ROBO2: variants seen among roughly 807,000 people sequenced by gnomAD.
The protein encoded by ROBO2 is roundabout guidance receptor 2.
ROBO2 carries 53 observed loss-of-function variants against 160.8 expected under a neutral mutation model. That is an observed-to-expected ratio of 0.33 (90% CI 0.26 to 0.41). The LOEUF is 0.41. Among genes scored for constraint, ROBO2 ranks in the 10% least tolerant of loss-of-function variants. ROBO2 has a pLI of 1.00. For synonymous variants in ROBO2, 664 were observed against 611.7 expected (o/e 1.09, Z -1.26); for missense variants, 1,577 against 1,722.4 (o/e 0.92, Z 1.49).
At chr3:76,866,861 ATCTCAACCACTACCTC>A (rs777880635) in intron 2 of ROBO2, among the ~76,000 whole-genome samples, 2 of 152,162 alleles carry the variant, frequency 1.3e-5, no homozygotes, top group Admixed American at 6.5e-5. Flanking sequence ...ACACCTGCAC[ATCTCAACCACTACCTC>A]CCAGTCCCCT....
chr3:77,638,144 C>T (rs566568900), intron 24 of ROBO2, among the ~76,000 whole-genome samples: 3 of 152,282 alleles, frequency 2.0e-5, no homozygotes, highest in African/African-American at 7.2e-5. Flanking sequence ...TGTTATTTTG[C>T]AGCAAATGCA....
At chr3:76,565,734 G>A (rs1312633909) in intron 2 of ROBO2, among the ~76,000 whole-genome samples, 1 of 152,144 alleles carries the variant, frequency 6.6e-6, no homozygotes, top group African/African-American at 2.4e-5. Context: ...ATGAAAGGAG[G>A]AAGTTGTTAC....
At chr3:76,274,907 A>G in intron 2 of ROBO2, among the ~76,000 whole-genome samples, 1 of 152,126 alleles carries the variant, frequency 6.6e-6, no homozygotes, top group South Asian at 2.1e-4. Flanking sequence ...AAGGTAATAT[A>G]CAGTCTAGTC....
In ROBO2 at chr3:76,946,957, A is replaced by G. The variant is rs898976841; in HGVS notation, c.110-151057A>G. 7.2e-5 allele frequency among the ~76,000 whole-genome samples: 11 copies of G among 152,236 alleles called. No individual in the cohort carries two copies. In the East Asian group the frequency reaches 1.9e-3, roughly 27 times the overall value. On this transcript the variant is annotated intron_variant, in intron 2 of 26. Coordinates refer to the ROBO2 transcript ENST00000487694. ...TTTGTCTTTCTTTCCGTAATGTCCA[A>G]TGTCTTGAAAATCATTCTTGTGTAT...
chr3:76,500,499 C>G (rs2080399771), intron 2 of ROBO2, among the ~76,000 whole-genome samples: 2 of 152,178 alleles, frequency 1.3e-5, no homozygotes, highest in South Asian at 4.1e-4. Flanking sequence ...TGCCTAACTA[C>G]CCTAGGACCA....
chr3:77,571,094 T>C (rs913078901), intron 13 of ROBO2, among the ~76,000 whole-genome samples: 1 of 152,038 alleles, frequency 6.6e-6, no homozygotes, highest in African/African-American at 2.4e-5. Context: ...CTTTGTTTTG[T>C]TCAAGGACAA....
intron 2 of ROBO2, among the ~76,000 whole-genome samples, chr3:77,162,383 A>G (rs2078574280): frequency 6.6e-6 from 1 of 152,230 alleles, no homozygotes; most frequent in East Asian, 1.9e-4. Context: ...GACCTTACAC[A>G]TTTAGATGTC....
intron 2 of ROBO2, among the ~76,000 whole-genome samples, chr3:76,966,711 C>G (rs1331577700): frequency 6.6e-6 from 1 of 152,192 alleles, no homozygotes; most frequent in African/African-American, 2.4e-5. Context: ...GCAATCATTG[C>G]TATTCTCACC....
At chr3:75,976,537 A>G (rs2065138114) in intron 2 of ROBO2, among the ~76,000 whole-genome samples, 1 of 151,552 alleles carries the variant, frequency 6.6e-6, no homozygotes, top group Non-Finnish European at 1.5e-5. Context: ...AACTTCAAAG[A>G]CATTAGCAAT....
At chr3:76,278,717 T>C (rs1212503662) in intron 2 of ROBO2, among the ~76,000 whole-genome samples, 1 of 151,950 alleles carries the variant, frequency 6.6e-6, no homozygotes, top group Non-Finnish European at 1.5e-5. Context: ...GAAACAGAAA[T>C]AGTTCTGTGT....
chr3:77,257,569 T>C (rs982524932), intron 2 of ROBO2, among the ~76,000 whole-genome samples: 2 of 152,190 alleles, frequency 1.3e-5, no homozygotes, highest in Admixed American at 6.5e-5. Context: ...AATAAAACCA[T>C]TAATTTTTAG....
intron 2 of ROBO2, among the ~76,000 whole-genome samples, chr3:76,877,998 G>A (rs565306834): frequency 2.0e-5 from 3 of 152,182 alleles, no homozygotes; most frequent in African/African-American, 4.8e-5. Flanking sequence ...TCAGATTAGG[G>A]CCTCACCCAT....
intron 2 of ROBO2, among the ~76,000 whole-genome samples, chr3:76,708,054 T>G (rs17014562): frequency 0.062 from 9,403 of 152,064 alleles, 858 homozygotes; most frequent in African/African-American, 0.2. Context: ...AGCCTACAAG[T>G]TTTCATTCCC....
chr3:77,043,880 G>T (rs888625283), intron 1 of ROBO2, among the ~76,000 whole-genome samples: 1 of 152,118 alleles, frequency 6.6e-6, no homozygotes. Flanking sequence ...ATGATATTAG[G>T]GGAGATAAAT....
intron 2 of ROBO2, among the ~76,000 whole-genome samples, chr3:77,120,544 C>A (rs2074647797): frequency 6.6e-6 from 1 of 152,040 alleles, no homozygotes; most frequent in Non-Finnish European, 1.5e-5. Context: ...AAAGAATTTG[C>A]TTTTATTCTG....
At chr3:77,294,251 T>G (rs2061719147) in intron 2 of ROBO2, among the ~76,000 whole-genome samples, 1 of 140,028 alleles carries the variant, frequency 7.1e-6, no homozygotes, top group Non-Finnish European at 1.5e-5. Context: ...AAAGTAAAAT[T>G]GATGGTTAAA....
At chr3:76,468,420 G>A (rs2078473328) in intron 2 of ROBO2, among the ~76,000 whole-genome samples, 1 of 151,904 alleles carries the variant, frequency 6.6e-6, no homozygotes, top group Admixed American at 6.6e-5. Flanking sequence ...TCCAATATTG[G>A]AAACGTGCAA....
intron 2 of ROBO2, among the ~76,000 whole-genome samples, chr3:76,081,419 A>G (rs1195842219): frequency 6.6e-6 from 1 of 152,268 alleles, no homozygotes; most frequent in East Asian, 1.9e-4. Context: ...GAAAAGAGTA[A>G]TATTTGATAA....
chr3:76,399,782 T>G (rs1407799081), intron 2 of ROBO2, among the ~76,000 whole-genome samples: 1 of 151,726 alleles, frequency 6.6e-6, no homozygotes, highest in East Asian at 1.9e-4. Flanking sequence ...TATTCATGAA[T>G]GTTTTCTTGT....
Sources: allele counts gnomAD v4.1 joint callset (sites outside exome capture counted in the v4.1 genomes callset), GRCh38; gene constraint gnomAD v4.1.1; transcripts MANE v1.5; gene names NCBI Gene and HGNC (gene_info 2026-07-23, HGNC 2026-07-21).